Variants in BTG4 observed in about 807,000 individuals in gnomAD.
The protein encoded by BTG4 is protein BTG4.
Under a neutral mutation model 19.3 loss-of-function variants are expected in BTG4, and 10 were observed. The observed-to-expected ratio is 0.52, with a 90% CI of 0.32 to 0.88. The LOEUF (loss-of-function observed/expected upper bound fraction) is 0.88. Ranked by LOEUF, BTG4 falls within the 40% of genes least tolerant of loss-of-function variation. BTG4 has a pLI of 0.04. For missense variants in BTG4, 238 were observed against 281.9 expected, an observed-to-expected ratio of 0.84 and a Z score of 1.11; for synonymous variants, 91 against 95.7, an observed-to-expected ratio of 0.95 and a Z score of 0.29.
the BTG4 span, among the ~76,000 whole-genome samples, chr11:111,401,794 G>A: frequency 1.2e-4 from 18 of 152,058 alleles, no homozygotes; most frequent in Non-Finnish European, 2.5e-4. Context: ...TCTCTGTGAG[G>A]GGTTTTCTGC....
chr11:111,499,329 C>G (rs2135690455), intron 1 of BTG4, among the ~76,000 whole-genome samples: 1 of 152,310 alleles, frequency 6.6e-6, no homozygotes, highest in Middle Eastern at 3.4e-3. Flanking sequence ...TCACCCACAC[C>G]TGTTCGTGAG....
chr11:111,444,242 GAGAC>G, the BTG4 span, among the ~76,000 whole-genome samples: 3 of 145,804 alleles, frequency 2.1e-5, no homozygotes, highest in African/African-American at 7.6e-5. Context: ...GTGTGACTGA[GAGAC>G]AGAGAGAGAG....
At chr11:111,441,715 C>A in the BTG4 span, among the ~76,000 whole-genome samples, 66 of 152,162 alleles carry the variant, frequency 4.3e-4, no homozygotes, top group Non-Finnish European at 4.0e-4. Context: ...TCCTGGGAAA[C>A]CCCCATGGTT....
downstream of BTG4, among the ~76,000 whole-genome samples, chr11:111,491,713 T>G (rs1321736856): frequency 1.4e-4 from 18 of 126,554 alleles, no homozygotes; most frequent in Non-Finnish European, 2.5e-4. Flanking sequence ...CCAACCTAGG[T>G]GACAGAGTGA....
At chr11:111,462,204 C>G in the BTG4 span, 1 of 152,394 alleles carries the variant, frequency 6.6e-6, no homozygotes, top group Non-Finnish European at 1.5e-5. Flanking sequence ...TCAGTCACCC[C>G]TAAGTATCTA....
the BTG4 span, among the ~76,000 whole-genome samples, chr11:111,402,104 G>GT: frequency 6.6e-6 from 1 of 152,198 alleles, no homozygotes; most frequent in East Asian, 1.9e-4. Flanking sequence ...ACAGAGGCAG[G>GT]TTTTTCCCAT....
chr11:111,436,643 A>AC, the BTG4 span, among the ~76,000 whole-genome samples: 5 of 150,594 alleles, frequency 3.3e-5, no homozygotes, highest in Non-Finnish European at 7.4e-5. Flanking sequence ...AAGAAAAAAA[A>AC]AAAACAAAAG....
chr11:111,513,182 A>T (rs530185337), upstream of BTG4, among the ~76,000 whole-genome samples: 1 of 152,224 alleles, frequency 6.6e-6, no homozygotes, highest in Admixed American at 6.5e-5. Flanking sequence ...CTCCAGATAC[A>T]GTTAAACTGT....
chr11:111,385,939 G>A, the BTG4 span: 2 of 152,174 alleles, frequency 1.3e-5, no homozygotes, highest in Non-Finnish European at 2.9e-5. Flanking sequence ...CAAGGTGGGA[G>A]GATCGCTTGA....
At chr11:111,454,586 T>C in the BTG4 span, among the ~76,000 whole-genome samples, 3 of 152,158 alleles carry the variant, frequency 2.0e-5, no homozygotes, top group African/African-American at 7.2e-5. Context: ...GGACCAGTAA[T>C]AGGGATTCTA....
chr11:111,419,146 T>C, the BTG4 span, among the ~76,000 whole-genome samples: 2 of 152,200 alleles, frequency 1.3e-5, no homozygotes, highest in African/African-American at 4.8e-5. Flanking sequence ...TATCTCCAAA[T>C]AGAGTCATAT....
chr11:111,400,165 G>T, the BTG4 span, among the ~76,000 whole-genome samples: 8,011 of 152,158 alleles, frequency 0.053, 742 homozygotes, highest in African/African-American at 0.18. Context: ...AAGTCATGCC[G>T]CCTCTCTGTG....
intron 1 of BTG4, among the ~76,000 whole-genome samples, chr11:111,505,093 T>C (rs566053917): frequency 4.6e-5 from 7 of 151,968 alleles, no homozygotes; most frequent in Non-Finnish European, 1.0e-4. Context: ...CCAGCCTTGT[T>C]TTTCACAGAA....
At chr11:111,454,687 G>A in the BTG4 span, among the ~76,000 whole-genome samples, 1 of 152,178 alleles carries the variant, frequency 6.6e-6, no homozygotes, top group Admixed American at 6.5e-5. Context: ...GTAGATGGCA[G>A]GCATTAGAAG....
the BTG4 span, among the ~76,000 whole-genome samples, chr11:111,401,443 C>A: frequency 2.0e-5 from 3 of 150,948 alleles, no homozygotes; most frequent in African/African-American, 7.3e-5. Context: ...GATTGAGACA[C>A]TGCACTCCAG....
the BTG4 span, chr11:111,384,898 TAAGGAGATCA>T: frequency 6.6e-6 from 1 of 152,104 alleles, no homozygotes; most frequent in South Asian, 2.1e-4. Flanking sequence ...ATGTGGCCCT[TAAGGAGATCA>T]AAGAGAAATC....
chr11:111,402,694 G>C, the BTG4 span, among the ~76,000 whole-genome samples: 1 of 152,164 alleles, frequency 6.6e-6, no homozygotes, highest in Non-Finnish European at 1.5e-5. Flanking sequence ...GGGTGCTACA[G>C]AGAAAGCTTT....
Position 111,498,154 on chromosome 11 carries a change from G to A in BTG4, c.174-19C>T. The A allele has an allele frequency of 1.9e-6, 3 of 1,612,866 alleles. No homozygotes were observed. Among genetic ancestry groups the A allele is most frequent in the Non-Finnish European group, 2.5e-6 (3 of 1,179,660 alleles). On this transcript the variant is annotated intron_variant, in intron 2 of 4. Coordinates refer to ENST00000692032, the MANE Select transcript of BTG4 (RefSeq NM_001367975.1). ...GATGCACCTTTTTAAAAAGCGAAGG[G>A]AAACGAAGACATGATGACAGACACT...
At chr11:111,450,149 G>A in the BTG4 span, among the ~76,000 whole-genome samples, 3 of 152,172 alleles carry the variant, frequency 2.0e-5, no homozygotes, top group Admixed American at 2.0e-4. Context: ...CTGTCCAAGA[G>A]GTCATGACTC....
Sources: gnomAD v4.1 joint callset for allele counts (sites outside exome capture counted in the v4.1 genomes callset) on GRCh38, gnomAD v4.1.1 for gene constraint, MANE v1.5 for transcripts, NCBI Gene and HGNC (gene_info 2026-07-23, HGNC 2026-07-21) for gene names.